MAP2K4: variants seen among roughly 807,000 people sequenced by gnomAD.
MAP2K4 encodes mitogen-activated protein kinase kinase 4, also known as dual specificity mitogen-activated protein kinase kinase 4.
A neutral mutation model predicts 48.5 loss-of-function variants in MAP2K4; 4 were observed. The ratio of observed to expected loss-of-function variants is 0.08; its 90% confidence interval spans 0.04 to 0.19. MAP2K4 has a LOEUF of 0.19. MAP2K4 is among the 10% of genes least tolerant of loss of function. The probability of loss-of-function intolerance (pLI) is 1.00; values close to 1 mark genes in which losing one functional copy is unlikely to be tolerated. For missense variants in MAP2K4, 258 were observed against 493.3 expected (o/e 0.52, Z 4.52); for synonymous variants, 166 against 173.1 (o/e 0.96, Z 0.32).
chr17:12,086,910 A>G (rs1204864311), intron 3 of MAP2K4, among the ~76,000 whole-genome samples: 2 of 152,060 alleles, frequency 1.3e-5, no homozygotes, highest in African/African-American at 2.4e-5. Context: ...GCAGTGGCAC[A>G]ATCTTGGCTC....
At chr17:12,104,859 T>TA (rs1177702246) in intron 4 of MAP2K4, among the ~76,000 whole-genome samples, 4 of 152,162 alleles carry the variant, frequency 2.6e-5, no homozygotes. Flanking sequence ...AAAAAAGTTT[T>TA]AAACTTTTGC....
intron 1 of MAP2K4, among the ~76,000 whole-genome samples, chr17:12,030,490 C>T (rs1969400756): frequency 6.6e-6 from 1 of 152,176 alleles, no homozygotes; most frequent in African/African-American, 2.4e-5. Flanking sequence ...TATATAGATT[C>T]TGTACTGGTG....
At chr17:12,116,877 G>C (rs1972517524) in intron 7 of MAP2K4, among the ~76,000 whole-genome samples, 1 of 152,100 alleles carries the variant, frequency 6.6e-6, no homozygotes, top group Admixed American at 6.5e-5. Context: ...ATAATTGTAT[G>C]TGCTATACTT....
chr17:12,059,750 G>A (rs1190953255), intron 2 of MAP2K4, among the ~76,000 whole-genome samples: 1 of 152,186 alleles, frequency 6.6e-6, no homozygotes, highest in Non-Finnish European at 1.5e-5. Context: ...AGGTTTCAAA[G>A]TCCCTAGTTA....
intron 2 of MAP2K4, among the ~76,000 whole-genome samples, chr17:12,058,436 C>A (rs1328523074): frequency 6.6e-6 from 1 of 152,128 alleles, no homozygotes. Context: ...ACCATGAATT[C>A]TCTCTGATCC....
At chr17:12,131,520 C>T (rs1255919574) in intron 9 of MAP2K4, among the ~76,000 whole-genome samples, 2 of 152,032 alleles carry the variant, frequency 1.3e-5, no homozygotes, top group Non-Finnish European at 2.9e-5. Context: ...GCTGGGATTA[C>T]AGGCATGAGC....
In MAP2K4 at chr17:12,029,266, A is replaced by C. The variant is rs556629562; in HGVS notation, c.115+8265A>C. 1.9e-3 allele frequency among the ~76,000 whole-genome samples: 295 copies of C among 152,308 alleles called. 1 individual carries two copies. The highest frequency in any genetic ancestry group is 3.7e-3 in the Non-Finnish European group (249 of 68,014). ...ACCCTCATGTAGCTTTATTTCTTTTATAGGCTTACTAGCATTCTGTCCTAT... is the reference window on the plus strand; with the variant it reads ...ACCCTCATGTAGCTTTATTTCTTTTCTAGGCTTACTAGCATTCTGTCCTAT... On this transcript the variant is annotated intron_variant, in intron 1 of 10. Transcript: ENST00000353533.
intron 2 of MAP2K4, among the ~76,000 whole-genome samples, chr17:12,069,476 GATAAAAC>G (rs1970718558): frequency 6.6e-6 from 1 of 152,094 alleles, no homozygotes; most frequent in African/African-American, 2.4e-5. Context: ...TTTCTGTGGT[GATAAAAC>G]ATTTCTTTGT....
chr17:12,035,159 A>G (rs745726927), intron 1 of MAP2K4, among the ~76,000 whole-genome samples: 4 of 152,218 alleles, frequency 2.6e-5, no homozygotes, highest in Non-Finnish European at 5.9e-5. Context: ...TTTGCAGACA[A>G]TCTGCTGGTT....
intron 1 of MAP2K4, among the ~76,000 whole-genome samples, chr17:12,053,962 G>C (rs1402033469): frequency 6.6e-6 from 1 of 152,148 alleles, no homozygotes; most frequent in African/African-American, 2.4e-5. Flanking sequence ...TCTCTAAGGT[G>C]AATGTGAAAC....
chr17:12,114,955 G>A lies in MAP2K4; in HGVS notation c.813+1595G>A, dbSNP rs78200411. 2.8e-3 allele frequency among the ~76,000 whole-genome samples: 432 copies of A among 152,288 alleles called. 2 individuals are homozygous for A. The highest frequency in any genetic ancestry group is 6.6e-3 in the African/African-American group (274 of 41,560). ...TTGGCCTCTAATCTTTACTGGACCA[G>A]ATGAAATTCTTCTGTCCATTCTCAT... On this transcript the variant is annotated intron_variant, in intron 7 of 10. Transcript: ENST00000353533.
At chr17:12,123,393 T>C (rs761029240) in intron 7 of MAP2K4, among the ~76,000 whole-genome samples, 17 of 152,218 alleles carry the variant, frequency 1.1e-4, no homozygotes, top group Non-Finnish European at 1.8e-4. Context: ...ATGGCCCCTC[T>C]TTCATTCTGA....
At chr17:12,056,351 T>G (rs1236034020) in intron 2 of MAP2K4, among the ~76,000 whole-genome samples, 1 of 152,052 alleles carries the variant, frequency 6.6e-6, no homozygotes, top group Non-Finnish European at 1.5e-5. Context: ...AGTTTCTTTA[T>G]GTATGTGGAA....
chr17:12,040,915 T>C (rs967401220), intron 1 of MAP2K4, among the ~76,000 whole-genome samples: 2 of 152,222 alleles, frequency 1.3e-5, no homozygotes, highest in Non-Finnish European at 2.9e-5. Context: ...CATCTAACTT[T>C]AACTAAATTA....
Position 12,081,371 on chromosome 17 carries a change from A to G in MAP2K4, c.234A>G (p.Thr78=), listed in dbSNP as rs370348659. 1.2e-5 allele frequency: 20 copies of G among 1,611,586 alleles called. No homozygotes were observed. In the African/African-American group the frequency reaches 2.4e-4, roughly 19 times the overall value. Residue 78 remains threonine (T), a synonymous_variant, in exon 3 of 11, where the codon ACA becomes ACG. Transcript: ENST00000353533. This position sits in a 1 kb window ranked among gnomAD's most constrained non-coding sequence, Gnocchi z 4.2. The stretch of plus-strand genomic sequence containing the variant: ...ATTTTAACAGAGAGAGACTGAGAAC[A>G]CACAGCATTGAGTCATCAGGAAAAC... ...VQNPHIERLR[T]HSIESSGKLK...
At chr17:12,120,710 A>T (rs1242663136) in intron 7 of MAP2K4, among the ~76,000 whole-genome samples, 1 of 152,180 alleles carries the variant, frequency 6.6e-6, no homozygotes, top group African/African-American at 2.4e-5. Context: ...GGGAGGAAAC[A>T]TTTTACAAAG....
chr17:12,047,063 C>T lies in MAP2K4; in HGVS notation c.116-7826C>T, dbSNP rs137996907. Among the ~76,000 whole-genome samples the T allele has an allele frequency of 2.0e-5, 3 of 152,140 alleles. No homozygotes were observed. The East Asian group carries it at 5.8e-4, about 29-fold the overall frequency. On this transcript the variant is annotated intron_variant, in intron 1 of 10. Coordinates refer to ENST00000353533, the MANE Select transcript of MAP2K4 (RefSeq NM_003010.4). ...CTTTCAGGAACTGATAGAGGAGTGA[C>T]ACAATCCTTGGTATTCTGGGTTAAA...
intron 2 of MAP2K4, among the ~76,000 whole-genome samples, chr17:12,073,868 G>A (rs1405241515): frequency 6.6e-6 from 1 of 151,560 alleles, no homozygotes; most frequent in Non-Finnish European, 1.5e-5. Context: ...CTGCCTCCCG[G>A]GTTGAAGAGA....
chr17:12,102,562 T>C (rs533353773), intron 4 of MAP2K4, among the ~76,000 whole-genome samples: 15 of 152,150 alleles, frequency 9.9e-5, no homozygotes, highest in African/African-American at 3.6e-4. Flanking sequence ...GTATTTCTTC[T>C]TCCTGAATTT....
Sources: gnomAD v4.1 joint callset for allele counts (sites outside exome capture counted in the v4.1 genomes callset) on GRCh38, gnomAD v4.1.1 for gene constraint, Gnocchi (gnomAD v3.1) non-coding constraint, MANE v1.5 for transcripts, NCBI Gene and HGNC (gene_info 2026-07-23, HGNC 2026-07-21) for gene names.